The following B4GALT1 variants were observed in gnomAD, a reference collection of about 807,000 sequenced individuals.
B4GALT1 encodes the protein beta-1,4-galactosyltransferase 1.
B4GALT1 carries 16 observed loss-of-function variants against 34.9 expected under a neutral mutation model. The observed-to-expected ratio is 0.46, with a 90% CI of 0.31 to 0.70. The LOEUF is 0.70. Ranked by LOEUF, B4GALT1 falls within the 30% of genes least tolerant of loss-of-function variation. The pLI is 0.05. For missense variants in B4GALT1, 445 were observed against 530.5 expected (o/e 0.84, Z 1.58); for synonymous variants, 221 against 218.1 (o/e 1.01, Z -0.12).
chr9:33,170,526 A>G (rs1030654916), upstream of B4GALT1, among the ~76,000 whole-genome samples: 2 of 152,136 alleles, frequency 1.3e-5, no homozygotes, highest in African/African-American at 2.4e-5. Context: ...ATTGGTATAG[A>G]TGATAGCCAG....
At chr9:33,109,527 TGGGTGA>T (rs928175294), downstream of B4GALT1, among the ~76,000 whole-genome samples, 102 of 152,342 alleles carry the variant, frequency 6.7e-4, 1 homozygote, top group Middle Eastern at 3.4e-3. Context: ...CAACTATAGC[TGGGTGA>T]GTGGTATAAA....
chr9:33,156,981 G>A lies in B4GALT1; in HGVS notation c.412+9777C>T, dbSNP rs147932717. ...AAGGCTCCTTTTGTGGACACAGAGTGAATTCAACAGGAACTGCTCTGAGGC... is the reference window on the plus strand; with the variant it reads ...AAGGCTCCTTTTGTGGACACAGAGTAAATTCAACAGGAACTGCTCTGAGGC... On this transcript the variant is annotated intron_variant, in intron 1 of 5. Transcript: ENST00000379731. 1.4e-3 allele frequency among the ~76,000 whole-genome samples: 214 copies of A among 151,958 alleles called. 1 individual carries two copies. The highest frequency in any genetic ancestry group is 4.9e-3 in the African/African-American group (204 of 41,412).
At chr9:33,117,477 G>A (rs555755529) in intron 3 of B4GALT1, among the ~76,000 whole-genome samples, 1 of 152,268 alleles carries the variant, frequency 6.6e-6, no homozygotes, top group East Asian at 1.9e-4. Flanking sequence ...GTGCCCCAAA[G>A]CCTTCCTGTG....
At chr9:33,182,765 C>T in the B4GALT1 span, among the ~76,000 whole-genome samples, 1 of 152,230 alleles carries the variant, frequency 6.6e-6, no homozygotes, top group Non-Finnish European at 1.5e-5. Flanking sequence ...CTTCATTTGG[C>T]TAGGAAACTA....
chr9:33,114,921 T>C (rs2118022853), intron 4 of B4GALT1, among the ~76,000 whole-genome samples: 1 of 152,036 alleles, frequency 6.6e-6, no homozygotes, highest in African/African-American at 2.4e-5. Context: ...CCTCCCCAGC[T>C]GTTCTGACCA....
rs555231239 is a variant in B4GALT1 at position 33,125,652 on chromosome 9, G to T, written c.649-5046C>A. Among the ~76,000 whole-genome samples the T allele has an allele frequency of 2.9e-4, 41 of 142,002 alleles. No individual in the cohort carries two copies. The South Asian group carries it at 5.9e-3, about 20-fold the overall frequency. The allele number at this position is 142,002 out of a possible 152,430, so 93.2% of individuals were successfully genotyped here. On this transcript the variant is annotated intron_variant, in intron 2 of 5. Coordinates refer to ENST00000379731, the MANE Select transcript of B4GALT1 (RefSeq NM_001497.4). ...TACACTTGCAAGCAGCCTTTGTAGGGGCGGGGCGAGAGGTTCAGGACAGGT... is the reference window on the plus strand; with the variant it reads ...TACACTTGCAAGCAGCCTTTGTAGGTGCGGGGCGAGAGGTTCAGGACAGGT...
At chr9:33,147,067 C>G (rs1840436616) in intron 1 of B4GALT1, among the ~76,000 whole-genome samples, 1 of 152,090 alleles carries the variant, frequency 6.6e-6, no homozygotes, top group Admixed American at 6.5e-5. Flanking sequence ...GAATTACAGC[C>G]TAGGTTTCAA....
In B4GALT1 at chr9:33,111,276, A is replaced by AAAAAAAAACAAC. The variant is rs1564033760; in HGVS notation, c.*2177_*2178insGTTGTTTTTTTT. 3 of 105,930 alleles carry AAAAAAAAACAAC rather than the reference A, an allele frequency of 2.8e-5. No homozygotes were observed. The highest frequency in any genetic ancestry group is 6.1e-5 in the Non-Finnish European group (3 of 49,226). The allele number at this position is 105,930 out of a possible 1,614,324, so 6.6% of individuals were successfully genotyped here. A position where few individuals can be genotyped will look rare whatever the true frequency, so the allele number is the denominator to read the frequency against. On this transcript the variant is annotated 3_prime_UTR_variant, in exon 6 of 6. Transcript: ENST00000379731. ...AAAAAAAAAAAAAAAAAAAAAAAAA[A>AAAAAAAAACAAC]AACAACAAGAAAAGGTAGAGTTTGG...
At chr9:33,153,888 C>CA (rs1336109516) in intron 1 of B4GALT1, among the ~76,000 whole-genome samples, 1 of 149,090 alleles carries the variant, frequency 6.7e-6, no homozygotes, top group African/African-American at 2.5e-5. Context: ...CAAAACCAAA[C>CA]AAAGATCTCA....
At chr9:33,145,764 C>T (rs754493849) in intron 1 of B4GALT1, among the ~76,000 whole-genome samples, 7 of 152,238 alleles carry the variant, frequency 4.6e-5, no homozygotes, top group Non-Finnish European at 1.0e-4. Context: ...TAGCAAATCA[C>T]AGCACACGTG....
Position 33,112,816 on chromosome 9 carries a change from A to C in B4GALT1, c.*638T>G, listed in dbSNP as rs1228968390. 1 of 153,752 alleles carries C rather than the reference A, an allele frequency of 6.5e-6. No individual in the cohort carries two copies. Among genetic ancestry groups the C allele is most frequent in the African/African-American group, 2.4e-5 (1 of 41,452 alleles). 9.5% of individuals were successfully genotyped at this position (153,752 alleles called of 1,614,324 possible). ...TGGAGATAGGCCACTGAATGCGAGA[A>C]ACCCAAGGCTTTTGCTCTGATGCTA... On this transcript the variant is annotated 3_prime_UTR_variant, in exon 6 of 6. Coordinates refer to ENST00000379731, the MANE Select transcript of B4GALT1 (RefSeq NM_001497.4).
intron 1 of B4GALT1, among the ~76,000 whole-genome samples, chr9:33,159,436 C>T (rs1840644052): frequency 6.6e-6 from 1 of 152,178 alleles, no homozygotes; most frequent in Non-Finnish European, 1.5e-5. Flanking sequence ...CCTAGCACTC[C>T]AGGCTTTGTG....
At chr9:33,130,852 T>C (rs1490716417) in intron 2 of B4GALT1, among the ~76,000 whole-genome samples, 3 of 151,696 alleles carry the variant, frequency 2.0e-5, no homozygotes, top group Admixed American at 6.6e-5. Context: ...CAGGAGGCGG[T>C]GGGAGCCATG....
At chr9:33,178,969 G>T in the B4GALT1 span, 3 of 152,332 alleles carry the variant, frequency 2.0e-5, no homozygotes, top group African/African-American at 7.2e-5. Flanking sequence ...TTAGTCTATG[G>T]CATGTGTCTC....
intron 2 of B4GALT1, among the ~76,000 whole-genome samples, chr9:33,131,653 G>A (rs10758192): frequency 0.37 from 56,439 of 152,058 alleles, 11,186 homozygotes; most frequent in East Asian, 0.6. Flanking sequence ...AGGGTGTCTG[G>A]GCCAGGGATA....
intron 1 of B4GALT1, among the ~76,000 whole-genome samples, chr9:33,139,841 C>T (rs1419916353): frequency 6.6e-6 from 1 of 152,254 alleles, no homozygotes; most frequent in Non-Finnish European, 1.5e-5. Flanking sequence ...CGGCGCATGG[C>T]GTGTGCTACC....
rs1564034186 is a variant in B4GALT1 at position 33,112,264 on chromosome 9, A to G, written c.*1190T>C. 1 of 151,954 alleles carries G rather than the reference A, an allele frequency of 6.6e-6. No individual in the cohort carries two copies. The highest frequency in any genetic ancestry group is 1.9e-4 in the East Asian group (1 of 5,168). 9.4% of individuals were successfully genotyped at this position (151,954 alleles called of 1,614,324 possible). A position where few individuals can be genotyped will look rare whatever the true frequency, so the allele number is the denominator to read the frequency against. On this transcript the variant is annotated 3_prime_UTR_variant, in exon 6 of 6. Transcript: ENST00000379731. ...AACAACCTGACTGCTGTTATTTACAACCCCCCAGCCTAGGGGCCTGAGGGG... is the reference window on the plus strand; with the variant it reads ...AACAACCTGACTGCTGTTATTTACAGCCCCCCAGCCTAGGGGCCTGAGGGG...
rs533446884 is a variant in B4GALT1, at chr9:33,153,883, CCAAA to C, written c.412+12871_412+12874del. Among the ~76,000 whole-genome samples, 259 of 151,290 alleles carry C rather than the reference CCAAA, an allele frequency of 1.7e-3. 2 individuals are homozygous for C. Among genetic ancestry groups the C allele is most frequent in the African/African-American group, 6.0e-3 (247 of 41,140 alleles). ...AGGCAGTATTACCCTGATACCAAAA[CCAAA>C]CAAAGATCTCACGACGAAAGAAAAC... On this transcript the variant is annotated intron_variant, in intron 1 of 5. Coordinates refer to ENST00000379731, the MANE Select transcript of B4GALT1 (RefSeq NM_001497.4).
chr9:33,149,560 C>T (rs930055942), intron 1 of B4GALT1, among the ~76,000 whole-genome samples: 1 of 152,186 alleles, frequency 6.6e-6, no homozygotes, highest in Non-Finnish European at 1.5e-5. Context: ...GCTGGGATTA[C>T]AGACATGAGC....
Sources: allele counts gnomAD v4.1 joint callset (sites outside exome capture counted in the v4.1 genomes callset), GRCh38; gene constraint gnomAD v4.1.1; transcripts MANE v1.5; gene names NCBI Gene and HGNC (gene_info 2026-07-23, HGNC 2026-07-21).